OR6C74: variants seen among roughly 807,000 people sequenced by gnomAD.
The protein encoded by OR6C74 is olfactory receptor family 6 subfamily C member 74.
For missense variants in OR6C74, 361 were observed against 362.9 expected (o/e 0.99, Z 0.04); for synonymous variants, 142 against 134.2 (o/e 1.06, Z -0.40).
Position 55,249,755 on chromosome 12 carries a change from G to GT in OR6C74, c.*1538dup, listed in dbSNP as rs764899606. Reference sequence around the variant, plus strand: ...GGCTTTCTTTGCATCAGGAATTTAAGTTTTTTTTTATTATTATACTTTAAG... The same window carrying GT: ...GGCTTTCTTTGCATCAGGAATTTAAGTTTTTTTTTTATTATTATACTTTAAG... On this transcript the variant is annotated 3_prime_UTR_variant, in exon 2 of 2. Transcript: ENST00000343399. Among the ~76,000 whole-genome samples, 30 of 150,996 alleles carry GT rather than the reference G, an allele frequency of 2.0e-4. No individual in the cohort carries two copies. Among genetic ancestry groups the GT allele is most frequent in the African/African-American group, 5.6e-4 (23 of 40,888 alleles).
At position 55,248,123 on chromosome 12, in the gene OR6C74, T is replaced by C. The variant is rs777892592; in HGVS notation, c.836T>C (p.Val279Ala). ...GGGATAGCTCTGCTCAGCACTTCTG[T>C]TGCCCCCATGTTGAATCCCTTTATT... ...NKGIALLSTS[V>A]APMLNPFIYT... Residue 279 changes from valine to alanine, a missense_variant, in exon 2 of 2, where the codon GTT (valine) becomes GCT (alanine). By Grantham distance (64) the Val-to-Ala change is moderately conservative. Transcript: ENST00000343399. The C allele has an allele frequency of 6.2e-7, 1 of 1,613,946 alleles. No homozygotes were observed.
Position 55,244,660 on chromosome 12 carries a change from CT to C in OR6C74, c.-164del, listed in dbSNP as rs1480549493. ...GTGAACAACAAGCTAGAAACCTTCT[CT>C]TTGTTCTTCTTCTCTCTAGATTATA... On this transcript the variant is annotated 5_prime_UTR_variant, in exon 1 of 2. Transcript: ENST00000343399. Among the ~76,000 whole-genome samples the C allele has an allele frequency of 3.3e-5, 5 of 152,024 alleles. No individual in the cohort carries two copies. Among genetic ancestry groups the C allele is most frequent in the Non-Finnish European group, 5.9e-5 (4 of 67,960 alleles).
In OR6C74 at chr12:55,254,442, A is replaced by C. The variant is rs1954330253; in HGVS notation, c.*6216A>C. 6.6e-6 allele frequency among the ~76,000 whole-genome samples: 1 copy of C among 152,100 alleles called. No individual in the cohort carries two copies. Among genetic ancestry groups the C allele is most frequent in the South Asian group, 2.1e-4 (1 of 4,826 alleles). ...TCAGATTTCCAATCAATTAACTTTC[A>C]CAAAAGATATCTGGGAAGGATGTAA... On this transcript the variant is annotated 3_prime_UTR_variant, in exon 2 of 2. Transcript: ENST00000343399.
rs1336373904 is a variant in OR6C74 at position 55,251,484 on chromosome 12, CAGG to C, written c.*3261_*3263del. On this transcript the variant is annotated 3_prime_UTR_variant, in exon 2 of 2. Transcript: ENST00000343399. ...ATAAAATAAATAAGGCAGCAAATGA[CAGG>C]AGATGAGTGAAGTTAATATGTTCAT... is the stretch of plus-strand genomic sequence containing the variant. Among the ~76,000 whole-genome samples the C allele has an allele frequency of 6.6e-6, 1 of 151,878 alleles. No individual in the cohort carries two copies. Among genetic ancestry groups the C allele is most frequent in the Non-Finnish European group, 1.5e-5 (1 of 67,928 alleles).
At position 55,256,354 on chromosome 12, in the gene OR6C74, A is replaced by G. The variant is rs1189651185; in HGVS notation, c.*8128A>G. Among the ~76,000 whole-genome samples, 1 of 151,960 alleles carries G rather than the reference A, an allele frequency of 6.6e-6. No individual in the cohort carries two copies. The highest frequency in any genetic ancestry group is 1.5e-5 in the Non-Finnish European group (1 of 67,968). On this transcript the variant is annotated 3_prime_UTR_variant, in exon 2 of 2. Transcript: ENST00000343399. The stretch of plus-strand genomic sequence containing the variant: ...TTCTAGGCCTCTTTGGGGGTAAGGC[A>G]TACTCCCTTCTGATATTTTCCGGTC...
At position 55,247,762 on chromosome 12, in the gene OR6C74, C is replaced by T. The variant is rs1223723596; in HGVS notation, c.475C>T (p.Leu159=). The change falls in exon 2 of 2, where the codon CTG becomes TTG. Residue 159 remains leucine, a synonymous_variant. Transcript: ENST00000343399. ...AGFLIIFPPL[L]MGLQLDFCAA... is the part of the protein sequence containing the mutation. ...CTTCCTAATAATTTTTCCGCCACTC[C>T]TGATGGGTCTCCAGCTTGATTTCTG... The T allele has an allele frequency of 1.2e-6, 2 of 1,614,012 alleles. No homozygotes were observed. The highest frequency in any genetic ancestry group is 4.5e-5 in the East Asian group (2 of 44,852).
In OR6C74 at chr12:55,251,834, A is replaced by C. The variant is rs1324108480; in HGVS notation, c.*3608A>C. ...ATCATAAATTTAGAAATTATGTCAT[A>C]TGAGAAAATATTTAGGGTACTAATG... On this transcript the variant is annotated 3_prime_UTR_variant, in exon 2 of 2. Coordinates refer to ENST00000343399, the MANE Select transcript of OR6C74 (RefSeq NM_001005490.2). Among the ~76,000 whole-genome samples the C allele has an allele frequency of 6.6e-6, 1 of 151,836 alleles. No individual in the cohort carries two copies. The highest frequency in any genetic ancestry group is 1.5e-5 in the Non-Finnish European group (1 of 67,814).
chr12:55,247,933 T>C lies in OR6C74; in HGVS notation c.646T>C (p.Tyr216His). The C allele has an allele frequency of 6.2e-7, 1 of 1,614,008 alleles. No homozygotes were observed. The highest frequency in any genetic ancestry group is 1.1e-5 in the South Asian group (1 of 91,084). ...TACACTGGTATTAGTGATTCTCTCCTACACAAATATTATCAGGACTATTCT... is the reference window on the plus strand; with the variant it reads ...TACACTGGTATTAGTGATTCTCTCCCACACAAATATTATCAGGACTATTCT... ...LVTLVLVILSYTNIIRTILKI... is the reference protein window; with the variant it reads ...LVTLVLVILSHTNIIRTILKI... The change falls in exon 2 of 2, where the codon TAC becomes CAC. Residue 216 changes from tyrosine (Y) to histidine (H), a missense_variant. Physicochemically the swap from Tyr to His is moderately conservative, Grantham distance 83. Transcript: ENST00000343399.
rs1954330731 is a variant in OR6C74, at chr12:55,254,502, A to G, written c.*6276A>G. Among the ~76,000 whole-genome samples the G allele has an allele frequency of 6.6e-6, 1 of 152,128 alleles. No homozygotes were observed. Among genetic ancestry groups the G allele is most frequent in the African/African-American group, 2.4e-5 (1 of 41,452 alleles). On this transcript the variant is annotated 3_prime_UTR_variant, in exon 2 of 2. Coordinates refer to ENST00000343399, the MANE Select transcript of OR6C74 (RefSeq NM_001005490.2). ...ATATTGCTGTATAATAAACTGCGAG[A>G]TCAGAGCCTACCTTTGTTTTCAGCA...
In OR6C74 at chr12:55,248,299, A is replaced by G; in HGVS notation, c.*73A>G. The G allele has an allele frequency of 2.2e-6, 2 of 909,044 alleles. No individual in the cohort carries two copies. Among genetic ancestry groups the G allele is most frequent in the Non-Finnish European group, 3.3e-6 (2 of 606,464 alleles). 56.3% of individuals were successfully genotyped at this position (909,044 alleles called of 1,614,324 possible). On this transcript the variant is annotated 3_prime_UTR_variant, in exon 2 of 2. Coordinates refer to ENST00000343399, the MANE Select transcript of OR6C74 (RefSeq NM_001005490.2). ...GAGTGGAGTATGTGCAAAGTTTTTC[A>G]ATGTTTGTATTCAATAATATTACCT... is the stretch of plus-strand genomic sequence containing the variant.
Position 55,252,133 on chromosome 12 carries a change from G to T in OR6C74, c.*3907G>T, listed in dbSNP as rs1272583477. Among the ~76,000 whole-genome samples, 1 of 151,300 alleles carries T rather than the reference G, an allele frequency of 6.6e-6. No individual in the cohort carries two copies. Among genetic ancestry groups the T allele is most frequent in the Non-Finnish European group, 1.5e-5 (1 of 67,696 alleles). Reference sequence around the variant, plus strand: ...ATTAATAAAGGAAATTATACAAAATGATCAATATATTTTAATAATATAACT... The same window carrying T: ...ATTAATAAAGGAAATTATACAAAATTATCAATATATTTTAATAATATAACT... On this transcript the variant is annotated 3_prime_UTR_variant, in exon 2 of 2. Transcript: ENST00000343399.
In OR6C74 at chr12:55,255,273, G is replaced by A. The variant is rs368563906; in HGVS notation, c.*7047G>A. Among the ~76,000 whole-genome samples, 45 of 152,180 alleles carry A rather than the reference G, an allele frequency of 3.0e-4. No homozygotes were observed. In the South Asian group the frequency reaches 5.0e-3, roughly 17 times the overall value. ...CATTGCACCCCCTGGGGACTGGGAGGCAAAGGGAACGAGGAAACAACAGAT... is the reference window on the plus strand; with the variant it reads ...CATTGCACCCCCTGGGGACTGGGAGACAAAGGGAACGAGGAAACAACAGAT... On this transcript the variant is annotated 3_prime_UTR_variant, in exon 2 of 2. Transcript: ENST00000343399.
rs1954340095 is a variant in OR6C74, at chr12:55,255,808, T to C, written c.*7582T>C. Among the ~76,000 whole-genome samples the C allele has an allele frequency of 6.6e-6, 1 of 152,158 alleles. No individual in the cohort carries two copies. The highest frequency in any genetic ancestry group is 1.5e-5 in the Non-Finnish European group (1 of 68,018). ...ATGAAACTAGGCAGACTTAAAAGGC[T>C]ATAAATTATTTAATTTCATTTATAT... On this transcript the variant is annotated 3_prime_UTR_variant, in exon 2 of 2. Coordinates refer to ENST00000343399, the MANE Select transcript of OR6C74 (RefSeq NM_001005490.2).
intron 1 of OR6C74, among the ~76,000 whole-genome samples, chr12:55,246,654 A>T (rs371242769): frequency 9.2e-5 from 14 of 152,212 alleles, no homozygotes; most frequent in African/African-American, 3.4e-4. Context: ...AAGCAGAGTG[A>T]GTGAGATAAA....
Position 55,250,455 on chromosome 12 carries a change from G to A in OR6C74, c.*2229G>A, listed in dbSNP as rs975193704. On this transcript the variant is annotated 3_prime_UTR_variant, in exon 2 of 2. Transcript: ENST00000343399. Reference sequence around the variant, plus strand: ...ATAGATGGATTTTTTTCTATTTCTAGGTTGTTTGTAAGTAGATAACAGAAA... The same window carrying A: ...ATAGATGGATTTTTTTCTATTTCTAAGTTGTTTGTAAGTAGATAACAGAAA... 2.0e-5 allele frequency among the ~76,000 whole-genome samples: 3 copies of A among 151,848 alleles called. No homozygotes were observed. The highest frequency in any genetic ancestry group is 2.9e-5 in the Non-Finnish European group (2 of 67,938).
chr12:55,255,373 A>T lies in OR6C74; in HGVS notation c.*7147A>T, dbSNP rs901385151. Among the ~76,000 whole-genome samples, 6 of 152,148 alleles carry T rather than the reference A, an allele frequency of 3.9e-5. No individual in the cohort carries two copies. The highest frequency in any genetic ancestry group is 3.9e-4 in the Admixed American group (6 of 15,272). On this transcript the variant is annotated 3_prime_UTR_variant, in exon 2 of 2. Coordinates refer to ENST00000343399, the MANE Select transcript of OR6C74 (RefSeq NM_001005490.2). ...GTATAAATTAGTTCAACCATTGTGG[A>T]AGACAGTGTGGTGATTCCTCAAGGA...
chr12:55,247,065 T>G, intron 1 of OR6C74: 1 of 440,182 alleles, frequency 2.3e-6, no homozygotes, highest in Admixed American at 3.9e-5. Flanking sequence ...AATGCTTACA[T>G]TTATGGCCAT....
Position 55,252,610 on chromosome 12 carries a change from A to G in OR6C74, c.*4384A>G, listed in dbSNP as rs1006076502. 1.3e-5 allele frequency among the ~76,000 whole-genome samples: 2 copies of G among 151,984 alleles called. No individual in the cohort carries two copies. The highest frequency in any genetic ancestry group is 2.9e-5 in the Non-Finnish European group (2 of 67,880). On this transcript the variant is annotated 3_prime_UTR_variant, in exon 2 of 2. Coordinates refer to ENST00000343399, the MANE Select transcript of OR6C74 (RefSeq NM_001005490.2). ...AACAAAAATCGTGGAAAGAATTTCA[A>G]ACAGTCAATTTCCAAATTTCTCTTT...
rs1252801697 is a variant in OR6C74 at position 55,256,342 on chromosome 12, TG to T, written c.*8121del. Among the ~76,000 whole-genome samples, 2 of 152,154 alleles carry T rather than the reference TG, an allele frequency of 1.3e-5. No individual in the cohort carries two copies. The highest frequency in any genetic ancestry group is 3.9e-4 in the East Asian group (2 of 5,166). On this transcript the variant is annotated 3_prime_UTR_variant, in exon 2 of 2. Transcript: ENST00000343399. ...TTGCCACAGCTCTTCTAGGCCTCTT[TG>T]GGGGTAAGGCATACTCCCTTCTGAT...
Sources: allele counts gnomAD v4.1 joint callset (sites outside exome capture counted in the v4.1 genomes callset), GRCh38; gene constraint gnomAD v4.1.1; transcripts MANE v1.5; gene names NCBI Gene and HGNC (gene_info 2026-07-23, HGNC 2026-07-21).